The following SLIT3 variants were observed in gnomAD, a reference collection of about 807,000 sequenced individuals.
SLIT3 encodes the protein slit homolog 3 protein.
SLIT3 carries 68 observed loss-of-function variants against 184.0 expected under a neutral mutation model. The observed-to-expected ratio is 0.37, with a 90% confidence interval of 0.30 to 0.45. The LOEUF (loss-of-function observed/expected upper bound fraction) is 0.45, where lower values mean the gene tolerates loss of function less well. Among genes scored for constraint, SLIT3 ranks in the 20% least tolerant of loss-of-function variants. SLIT3 has a pLI of 1.00. For synonymous variants in SLIT3, 831 were observed against 828.6 expected (o/e 1.00, Z -0.05); for missense variants, 1,707 against 2,026.0 (o/e 0.84, Z 3.02).
At chr5:168,715,655 C>A (rs1762700599) in intron 23 of SLIT3, among the ~76,000 whole-genome samples, 1 of 152,178 alleles carries the variant, frequency 6.6e-6, no homozygotes, top group South Asian at 2.1e-4. Context: ...GGGCGAGAGG[C>A]AGAGGTACAT....
intron 3 of SLIT3, among the ~76,000 whole-genome samples, chr5:169,217,172 C>T (rs578218432): frequency 6.6e-6 from 1 of 151,762 alleles, no homozygotes; most frequent in Non-Finnish European, 1.5e-5. Context: ...TCTACCCTTC[C>T]CCCAGCCTTG....
At chr5:168,826,179 A>G (rs1486534982) in intron 6 of SLIT3, among the ~76,000 whole-genome samples, 4 of 152,226 alleles carry the variant, frequency 2.6e-5, no homozygotes, top group Non-Finnish European at 4.4e-5. Flanking sequence ...TACTACACTG[A>G]TATTTAAATG....
At chr5:169,135,729 A>T (rs1761479269) in intron 4 of SLIT3, among the ~76,000 whole-genome samples, 1 of 152,238 alleles carries the variant, frequency 6.6e-6, no homozygotes, top group African/African-American at 2.4e-5. Flanking sequence ...AAGCTGGAAA[A>T]TGACAGAACT....
At chr5:169,038,305 A>T (rs1757324727) in intron 4 of SLIT3, among the ~76,000 whole-genome samples, 1 of 152,258 alleles carries the variant, frequency 6.6e-6, no homozygotes, top group Non-Finnish European at 1.5e-5. Flanking sequence ...TATCTTCTCA[A>T]TATGGAACTG....
At chr5:168,734,218 A>C (rs1051331128) in intron 20 of SLIT3, among the ~76,000 whole-genome samples, 6 of 152,244 alleles carry the variant, frequency 3.9e-5, no homozygotes, top group African/African-American at 1.4e-4. Context: ...AATTGCATTT[A>C]CAAAATACCT....
At chr5:169,030,691 A>T (rs188462642) in intron 4 of SLIT3, among the ~76,000 whole-genome samples, 1 of 152,360 alleles carries the variant, frequency 6.6e-6, no homozygotes, top group East Asian at 1.9e-4. Context: ...ATAATACTGT[A>T]AAGTACTTCT....
chr5:168,686,972 G>C lies in SLIT3; in HGVS notation c.3314+7C>G. Reference sequence around the variant, plus strand: ...TGTCTCCTTCCTGAGGTGCCCTCCTGCCTTACCTGAAGCCCTGGGGGCAGG... The same window carrying C: ...TGTCTCCTTCCTGAGGTGCCCTCCTCCCTTACCTGAAGCCCTGGGGGCAGG... On this transcript the variant is annotated splice_region_variant and intron_variant, in intron 30 of 35. Coordinates refer to ENST00000519560, the MANE Select transcript of SLIT3 (RefSeq NM_003062.4). 1 of 1,612,974 alleles carries C rather than the reference G, an allele frequency of 6.2e-7. No individual in the cohort carries two copies. The highest frequency in any genetic ancestry group is 1.3e-5 in the African/African-American group (1 of 75,040).
chr5:169,134,105 G>A, intron 4 of SLIT3, among the ~76,000 whole-genome samples: 1 of 152,346 alleles, frequency 6.6e-6, no homozygotes, highest in Non-Finnish European at 1.5e-5. Flanking sequence ...TTCCTCTAGA[G>A]ACTATAGATA....
chr5:169,045,062 A>G (rs1330393981), intron 4 of SLIT3, among the ~76,000 whole-genome samples: 1 of 152,208 alleles, frequency 6.6e-6, no homozygotes, highest in Admixed American at 6.5e-5. Context: ...GGGTCATGCT[A>G]AGGTTTCATA....
At chr5:168,733,716 A>C (rs552956976) in intron 20 of SLIT3, among the ~76,000 whole-genome samples, 3 of 152,186 alleles carry the variant, frequency 2.0e-5, no homozygotes, top group African/African-American at 7.2e-5. Context: ...TGATAGGTGC[A>C]GCAAACCACC....
chr5:168,842,488 G>C (rs2938760), intron 6 of SLIT3, among the ~76,000 whole-genome samples: 2 of 87,256 alleles, frequency 2.3e-5, no homozygotes, highest in African/African-American at 7.7e-5. Context: ...TTTTTTTTTT[G>C]TATCTGAGTA....
At chr5:169,106,215 A>C (rs1239959998) in intron 4 of SLIT3, among the ~76,000 whole-genome samples, 1 of 152,224 alleles carries the variant, frequency 6.6e-6, no homozygotes, top group Non-Finnish European at 1.5e-5. Context: ...AAGTTGAAGA[A>C]AAACAAAAAC....
At chr5:168,751,047 TA>T (rs1481088678) in intron 18 of SLIT3, among the ~76,000 whole-genome samples, 17 of 143,658 alleles carry the variant, frequency 1.2e-4, no homozygotes, top group South Asian at 1.1e-3. Flanking sequence ...GGAGAGAGGC[TA>T]GGGGGAGGGA....
chr5:168,817,321 T>C lies in SLIT3; in HGVS notation c.772A>G (p.Lys258Glu), dbSNP rs1293183877. Reference protein sequence around the residue: ...LRGFNVADVQKKEYVCPAPHS... With the variant: ...LRGFNVADVQEKEYVCPAPHS... ...TCACCTGGGCACACGTACTCCTTCTTCTGCACATCCGCCACGTTGAAGCCC... is the reference window on the plus strand; with the variant it reads ...TCACCTGGGCACACGTACTCCTTCTCCTGCACATCCGCCACGTTGAAGCCC... Residue 258 changes from lysine (K) to glutamate (E), a missense_variant, in exon 8 of 36, where the codon AAG becomes GAG. This residue lies in a region of SLIT3 where 1,307 missense variants were observed against 1,511.6 expected (regional missense o/e 0.86). Coordinates refer to ENST00000519560, the MANE Select transcript of SLIT3 (RefSeq NM_003062.4). 1.2e-6 allele frequency: 2 copies of C among 1,614,136 alleles called. No individual in the cohort carries two copies. The highest frequency in any genetic ancestry group is 1.7e-6 in the Non-Finnish European group (2 of 1,180,018).
chr5:169,126,484 T>A (rs917204850), intron 4 of SLIT3, among the ~76,000 whole-genome samples: 2 of 152,212 alleles, frequency 1.3e-5, no homozygotes, highest in South Asian at 4.1e-4. Context: ...AAGAGAAATG[T>A]CTTTGATTCA....
chr5:168,696,319 C>T lies in SLIT3; in HGVS notation c.3055G>A (p.Val1019Met), dbSNP rs144483314. Residue 1019 changes from valine to methionine, a missense_variant, in exon 28 of 36, where the codon GTG becomes ATG. By Grantham distance (21) the Val-to-Met change is conservative. Coordinates refer to ENST00000519560, the MANE Select transcript of SLIT3 (RefSeq NM_003062.4). ...ATCVDGINNY[V>M]CICPPNYTGE... is the part of the protein sequence containing the mutation. ...GTGTAGTTAGGCGGACAGATACACA[C>T]GTAGTTGTTGATCCCGTCCACGCAG... 7.2e-5 allele frequency: 117 copies of T among 1,614,034 alleles called. No homozygotes were observed. Among genetic ancestry groups the T allele is most frequent in the African/African-American group, 1.2e-4 (9 of 74,920 alleles).
intron 6 of SLIT3, among the ~76,000 whole-genome samples, chr5:168,834,682 G>T (rs1757986114): frequency 1.4e-5 from 1 of 72,498 alleles, no homozygotes; most frequent in Non-Finnish European, 2.4e-5. Flanking sequence ...GCGAGACTCT[G>T]TCTCAAAAAA....
At chr5:169,227,515 C>A (rs1247090260) in intron 3 of SLIT3, among the ~76,000 whole-genome samples, 3 of 152,168 alleles carry the variant, frequency 2.0e-5, no homozygotes, top group Non-Finnish European at 4.4e-5. Flanking sequence ...GCAACCTCCC[C>A]CTCCTGGGCT....
In SLIT3 at chr5:168,897,782, C is replaced by A. The variant is rs544578487; in HGVS notation, c.414-14446G>T. ...CTTGCAAAAGATCTTAGCATTTGGG[C>A]TTCCCCAGGATCTCCTCCTGAGATT... On this transcript the variant is annotated intron_variant, in intron 4 of 35. Transcript: ENST00000519560. Among the ~76,000 whole-genome samples, 3 of 152,304 alleles carry A rather than the reference C, an allele frequency of 2.0e-5. No individual in the cohort carries two copies. In the South Asian group the frequency reaches 6.2e-4, roughly 32 times the overall value.
Sources: allele counts gnomAD v4.1 joint callset (sites outside exome capture counted in the v4.1 genomes callset), GRCh38; gene constraint gnomAD v4.1.1; regional missense constraint gnomAD v4.1.1; transcripts MANE v1.5; gene names NCBI Gene and HGNC (gene_info 2026-07-23, HGNC 2026-07-21).